SMAP1: variants seen among roughly 807,000 people sequenced by gnomAD.
SMAP1 encodes the protein small ArfGAP 1, also known as stromal membrane-associated protein 1.
Under a neutral mutation model 58.5 loss-of-function variants are expected in SMAP1, and 24 were observed. The observed-to-expected ratio is 0.41, with a 90% CI of 0.30 to 0.58. The LOEUF is 0.58. Ranked by LOEUF, SMAP1 falls within the 20% of genes least tolerant of loss-of-function variation. The pLI is 0.29. For synonymous variants in SMAP1, 216 were observed against 196.6 expected, an observed-to-expected ratio of 1.10 and a Z score of -0.82; for missense variants, 563 against 566.3, an observed-to-expected ratio of 0.99 and a Z score of 0.06.
At chr6:70,761,842 T>C (rs1766758867) in intron 3 of SMAP1, among the ~76,000 whole-genome samples, 1 of 152,124 alleles carries the variant, frequency 6.6e-6, no homozygotes, top group African/African-American at 2.4e-5. Flanking sequence ...AAAATAAAAC[T>C]AAATTCATAC....
At chr6:70,828,816 G>A (rs1770244234) in intron 6 of SMAP1, among the ~76,000 whole-genome samples, 1 of 152,198 alleles carries the variant, frequency 6.6e-6, no homozygotes, top group Non-Finnish European at 1.5e-5. Context: ...CAATGCTTCA[G>A]TGAGTGGTGA....
chr6:70,693,935 A>C (rs1236449862), intron 1 of SMAP1: 1 of 156,554 alleles, frequency 6.4e-6, no homozygotes, highest in African/African-American at 2.4e-5. Context: ...TTAGACCCTG[A>C]TTCTATCTTT....
At chr6:70,857,492 AAT>A (rs1382791188) in intron 9 of SMAP1, 1 of 171,284 alleles carries the variant, frequency 5.8e-6, no homozygotes, top group African/African-American at 2.4e-5. Flanking sequence ...CCTTTAAAAT[AAT>A]GAGCTGCATT....
chr6:70,689,942 C>T (rs892644844), intron 1 of SMAP1, among the ~76,000 whole-genome samples: 1 of 152,134 alleles, frequency 6.6e-6, no homozygotes, highest in Non-Finnish European at 1.5e-5. Flanking sequence ...TATTTGTTTT[C>T]ATAGCTTTTT....
intron 6 of SMAP1, among the ~76,000 whole-genome samples, chr6:70,823,213 A>G (rs534829750): frequency 2.8e-4 from 42 of 152,256 alleles, no homozygotes; most frequent in African/African-American, 9.4e-4. Context: ...GCTAGACATG[A>G]TGTAGTGGGT....
chr6:70,693,516 A>G (rs996730865), intron 1 of SMAP1, among the ~76,000 whole-genome samples: 5 of 151,640 alleles, frequency 3.3e-5, no homozygotes, highest in Admixed American at 2.6e-4. Context: ...GTTGGCCAGG[A>G]TGGTCTCCAT....
chr6:70,709,094 T>C (rs1767953690), intron 1 of SMAP1, among the ~76,000 whole-genome samples: 1 of 152,112 alleles, frequency 6.6e-6, no homozygotes, highest in Non-Finnish European at 1.5e-5. Flanking sequence ...TTTGTGTGTG[T>C]GTGTGTGTGG....
chr6:70,708,567 T>C (rs1405288446), intron 1 of SMAP1, among the ~76,000 whole-genome samples: 3 of 152,218 alleles, frequency 2.0e-5, no homozygotes, highest in African/African-American at 7.2e-5. Flanking sequence ...GCTGTACCAA[T>C]TTACATTCAT....
At chr6:70,839,677 T>G (rs936271742) in intron 7 of SMAP1, among the ~76,000 whole-genome samples, 4 of 151,354 alleles carry the variant, frequency 2.6e-5, no homozygotes, top group African/African-American at 9.7e-5. Flanking sequence ...ATAGGAGGAG[T>G]GGGAGATGGG....
intron 1 of SMAP1, among the ~76,000 whole-genome samples, chr6:70,723,683 G>C (rs892426945): frequency 6.6e-6 from 1 of 152,098 alleles, no homozygotes; most frequent in African/African-American, 2.4e-5. Flanking sequence ...TATCTGTTTA[G>C]TTTACTACTA....
chr6:70,700,020 A>G (rs534998123), intron 1 of SMAP1, among the ~76,000 whole-genome samples: 73 of 152,110 alleles, frequency 4.8e-4, no homozygotes, highest in African/African-American at 1.6e-3. Flanking sequence ...GAGATGTTGT[A>G]TTCCCCAGTG....
chr6:70,772,549 C>A (rs1363680800), intron 3 of SMAP1, among the ~76,000 whole-genome samples: 1 of 152,006 alleles, frequency 6.6e-6, no homozygotes, highest in African/African-American at 2.4e-5. Context: ...GTTAAGAACC[C>A]CTTTAAGAAT....
chr6:70,768,619 C>T (rs988616756), intron 3 of SMAP1, among the ~76,000 whole-genome samples: 19 of 152,052 alleles, frequency 1.2e-4, no homozygotes, highest in Middle Eastern at 3.4e-3. Context: ...TTTTTTATTG[C>T]GTCTATTTGA....
At chr6:70,724,480 G>A (rs151103715) in intron 1 of SMAP1, among the ~76,000 whole-genome samples, 120 of 152,318 alleles carry the variant, frequency 7.9e-4, no homozygotes, top group Non-Finnish European at 1.3e-3. Context: ...ACAGGCGTGA[G>A]CCACTGCACC....
At chr6:70,705,891 A>G (rs1359461450) in intron 1 of SMAP1, among the ~76,000 whole-genome samples, 1 of 152,190 alleles carries the variant, frequency 6.6e-6, no homozygotes, top group African/African-American at 2.4e-5. Context: ...TAAGCGTCTG[A>G]TTGATAAAGC....
At chr6:70,821,257 G>A (rs1287426796) in intron 6 of SMAP1, among the ~76,000 whole-genome samples, 5 of 151,982 alleles carry the variant, frequency 3.3e-5, no homozygotes, top group Non-Finnish European at 5.9e-5. Context: ...TGATCATTGC[G>A]TCTGTGAGAT....
chr6:70,852,073 A>G (rs78183653), intron 7 of SMAP1, among the ~76,000 whole-genome samples: 4,620 of 152,238 alleles, frequency 0.03, 258 homozygotes, highest in African/African-American at 0.11. Flanking sequence ...ACCCTCACAC[A>G]TACATTTATG....
chr6:70,830,950 A>G (rs1770333407), intron 6 of SMAP1, among the ~76,000 whole-genome samples: 1 of 152,216 alleles, frequency 6.6e-6, no homozygotes, highest in Admixed American at 6.5e-5. Flanking sequence ...GGATTATTTA[A>G]ATTGCCTTGT....
intron 1 of SMAP1, among the ~76,000 whole-genome samples, chr6:70,670,241 C>T (rs1037881662): frequency 2.6e-5 from 4 of 152,080 alleles, no homozygotes; most frequent in African/African-American, 7.2e-5. Flanking sequence ...ATGAACTCCA[C>T]AGTATAATTT....
Sources: gnomAD v4.1 joint callset for allele counts (sites outside exome capture counted in the v4.1 genomes callset) on GRCh38, gnomAD v4.1.1 for gene constraint, MANE v1.5 for transcripts, NCBI Gene and HGNC (gene_info 2026-07-23, HGNC 2026-07-21) for gene names.